Variants in DCAF4 observed in about 807,000 individuals in gnomAD.
DCAF4 encodes the protein DDB1- and CUL4-associated factor 4.
A neutral mutation model predicts 60.9 loss-of-function variants in DCAF4; 37 were observed. The ratio of observed to expected loss-of-function variants is 0.61; its 90% CI spans 0.47 to 0.80. The LOEUF (loss-of-function observed/expected upper bound fraction) is 0.80. Among genes scored for constraint, DCAF4 ranks in the 30% least tolerant of loss-of-function variants. DCAF4 has a pLI of 0.00. For synonymous variants in DCAF4, 243 were observed against 254.8 expected (o/e 0.95, Z 0.44); for missense variants, 577 against 650.0 (o/e 0.89, Z 1.22).
In DCAF4 at chr14:72,958,774, G is replaced by A; in HGVS notation, c.1457G>A (p.Gly486Glu). 1 of 1,594,996 alleles carries A rather than the reference G, an allele frequency of 6.3e-7. No homozygotes were observed. The highest frequency in any genetic ancestry group is 8.5e-7 in the Non-Finnish European group (1 of 1,171,100). ...GCGCCGGGGCTGCTCATGGCTGTCG[G>A]GCAGGACCTTTACTGTTACTCCTAC... is the stretch of plus-strand genomic sequence containing the variant. ...RGAPGLLMAVGQDLYCYSYS is the reference protein window; with the variant it reads ...RGAPGLLMAVEQDLYCYSYS The change falls in exon 14 of 14, where the codon GGG becomes GAG. Residue 486 changes from glycine to glutamate, a missense_variant. Gly to Glu is a moderately conservative substitution (Grantham distance 98). Transcript: ENST00000358377.
Position 72,943,244 on chromosome 14 carries a change from T to G in DCAF4, c.534+148T>G, listed in dbSNP as rs1594764734. ...TCTTCTTGGTTGTACGATTTTAACC[T>G]GCCTGCTGGCTACCCGCTGGGAGAC... On this transcript the variant is annotated intron_variant, in intron 6 of 13. Transcript: ENST00000358377. 4.2e-6 allele frequency: 3 copies of G among 708,758 alleles called. No individual in the cohort carries two copies. The East Asian group carries it at 8.4e-5, about 20-fold the overall frequency. The allele number at this position is 708,758 out of a possible 1,614,324, so 43.9% of individuals were successfully genotyped here. A position where few individuals can be genotyped will look rare whatever the true frequency, so the allele number is the denominator to read the frequency against.
intron 6 of DCAF4, 113 bp from the exon 7 acceptor site, chr14:72,945,771 C>G: frequency 7.2e-7 from 1 of 1,393,466 alleles, no homozygotes; most frequent in Non-Finnish European, 9.8e-7. Context: ...GAGGAACTCT[C>G]ACCTAGTGAA....
chr14:72,955,402 G>A lies in DCAF4; in HGVS notation c.1006-121G>A, dbSNP rs557227440. 58 of 1,174,712 alleles carry A rather than the reference G, an allele frequency of 4.9e-5. 1 individual carries two copies. The African/African-American group carries it at 6.9e-4, about 14-fold the overall frequency. 72.8% of individuals were successfully genotyped at this position (1,174,712 alleles called of 1,614,324 possible). A position where few individuals can be genotyped will look rare whatever the true frequency, so the allele number is the denominator to read the frequency against. On this transcript the variant is annotated intron_variant, in intron 11 of 13. Coordinates refer to ENST00000358377, the MANE Select transcript of DCAF4 (RefSeq NM_015604.4). ...TTGAGACCCAAACCCTGACCAGCAC[G>A]TGTCTAATCACACCGTCTGACCCAG...
At chr14:72,953,433 A>G (rs892268271) in intron 9 of DCAF4, among the ~76,000 whole-genome samples, 1 of 151,782 alleles carries the variant, frequency 6.6e-6, no homozygotes, top group African/African-American at 2.4e-5. Context: ...ATTTTTTCGA[A>G]GCACAGTGGC....
chr14:72,953,087 G>A (rs1294320738), intron 9 of DCAF4, among the ~76,000 whole-genome samples: 2 of 129,200 alleles, frequency 1.5e-5, no homozygotes, highest in Non-Finnish European at 3.1e-5. Flanking sequence ...CGCAACCTCC[G>A]CCTCTGGGGC....
rs1892342106 is a variant in DCAF4 at position 72,956,648 on chromosome 14, G to C, written c.1294+148G>C. Reference sequence around the variant, plus strand: ...GACAGCTGGGTGGGGAGACTAGGAGGGAAGTAGAATTAGATTATATTAGTA... The same window carrying C: ...GACAGCTGGGTGGGGAGACTAGGAGCGAAGTAGAATTAGATTATATTAGTA... On this transcript the variant is annotated intron_variant, in intron 13 of 13. Coordinates refer to ENST00000358377, the MANE Select transcript of DCAF4 (RefSeq NM_015604.4). The C allele has an allele frequency of 5.7e-6, 4 of 697,226 alleles. No individual in the cohort carries two copies. In the South Asian group the frequency reaches 6.5e-5, roughly 11 times the overall value. 43.2% of individuals were successfully genotyped at this position (697,226 alleles called of 1,614,324 possible).
In DCAF4 at chr14:72,955,558, A is replaced by G. The variant is rs1892160992; in HGVS notation, c.1041A>G (p.Glu347=). Residue 347 remains glutamate (E), a synonymous_variant, in exon 12 of 14, where the codon GAA becomes GAG. Coordinates refer to ENST00000358377, the MANE Select transcript of DCAF4 (RefSeq NM_015604.4). ...TGTTTAATGGCTGCCGCTCTGGGGA[A>G]ATCTTTGCCATTGATCTGCGTTGTG... is the stretch of plus-strand genomic sequence containing the variant. The part of the protein sequence containing the change: ...PLLFNGCRSG[E]IFAIDLRCGN... 6.2e-7 allele frequency: 1 copy of G among 1,614,136 alleles called. No homozygotes were observed. The highest frequency in any genetic ancestry group is 8.5e-7 in the Non-Finnish European group (1 of 1,180,024).
intron 8 of DCAF4, among the ~76,000 whole-genome samples, chr14:72,950,052 A>G (rs558301777): frequency 6.6e-6 from 1 of 152,314 alleles, no homozygotes; most frequent in East Asian, 1.9e-4. Context: ...GTTTGGCAGC[A>G]GTTTGATATT....
chr14:72,948,866 T>C (rs1340439179), intron 8 of DCAF4, among the ~76,000 whole-genome samples: 1 of 152,206 alleles, frequency 6.6e-6, no homozygotes, highest in East Asian at 1.9e-4. Context: ...CTTTCTACAC[T>C]TATTGGGCCC....
intron 8 of DCAF4, among the ~76,000 whole-genome samples, chr14:72,951,349 C>A (rs1891378726): frequency 6.6e-6 from 1 of 152,142 alleles, no homozygotes; most frequent in Non-Finnish European, 1.5e-5. Context: ...CGATGGCTCA[C>A]CCCTATAATC....
rs1220668731 is a variant in DCAF4 at position 72,941,792 on chromosome 14, G to C, written c.399G>C (p.Gln133His). Residue 133 changes from glutamine to histidine, a missense_variant, in exon 5 of 14, where the codon CAG becomes CAC. Coordinates refer to ENST00000358377, the MANE Select transcript of DCAF4 (RefSeq NM_015604.4). ...FNASSMLRKS[Q>H]LGFLNVTNYC... ...CATCTTCCATGCTACGAAAAAGCCA[G>C]CTGGGTTTTCTCAACGTCACCAATT... 1.2e-6 allele frequency: 2 copies of C among 1,614,126 alleles called. No individual in the cohort carries two copies. Among genetic ancestry groups the C allele is most frequent in the East Asian group, 2.2e-5 (1 of 44,888 alleles).
chr14:72,949,308 T>G (rs1033030365), intron 8 of DCAF4, among the ~76,000 whole-genome samples: 1 of 152,094 alleles, frequency 6.6e-6, no homozygotes, highest in Non-Finnish European at 1.5e-5. Flanking sequence ...AAAATTCTAT[T>G]AGCTGAGCAT....
chr14:72,938,768 A>T (rs566940766), intron 2 of DCAF4, among the ~76,000 whole-genome samples: 1 of 152,138 alleles, frequency 6.6e-6, no homozygotes. Flanking sequence ...TGGTATACCT[A>T]TGTATGACAC....
intron 8 of DCAF4, among the ~76,000 whole-genome samples, chr14:72,949,885 GT>G (rs1479536533): frequency 1.3e-5 from 2 of 152,238 alleles, no homozygotes; most frequent in African/African-American, 4.8e-5. Flanking sequence ...AGTATATGCA[GT>G]TGCAAGGAGA....
intron 9 of DCAF4, among the ~76,000 whole-genome samples, chr14:72,953,720 AAAAAAAAAAAAAATATAT>A (rs1891756413): frequency 2.0e-5 from 1 of 50,440 alleles, no homozygotes; most frequent in African/African-American, 9.2e-5. Flanking sequence ...AAAAAAAAAA[AAAAAAAAAAAAAATATAT>A]ATATATATAT....
chr14:72,946,561 A>G (rs1233966748), intron 7 of DCAF4, among the ~76,000 whole-genome samples: 2 of 152,070 alleles, frequency 1.3e-5, no homozygotes, highest in Non-Finnish European at 2.9e-5. Flanking sequence ...GGGGTCCAGG[A>G]GTTGATCTGG....
intron 3 of DCAF4, 99 bp downstream of exon 3, chr14:72,940,001 C>G: frequency 7.7e-7 from 1 of 1,304,078 alleles, no homozygotes; most frequent in Non-Finnish European, 1.1e-6. Flanking sequence ...AATTGAAACA[C>G]TCAGGGAAGG....
chr14:72,947,160 G>C lies in DCAF4; in HGVS notation c.697G>C (p.Ala233Pro). 6.2e-7 allele frequency: 1 copy of C among 1,614,088 alleles called. No individual in the cohort carries two copies. The highest frequency in any genetic ancestry group is 1.1e-5 in the South Asian group (1 of 91,086). ...TCACCAGGTGAATTCGGTGTGCTGG[G>C]CCTCGCTGAATCACTTGGATTCCCA... ...TNRKVNSVCWASLNHLDSHIL... is the reference protein window; with the variant it reads ...TNRKVNSVCWPSLNHLDSHIL... Residue 233 changes from alanine to proline, a missense_variant, in exon 8 of 14, where the codon GCC (alanine) becomes CCC (proline). By Grantham distance (27) the Ala-to-Pro change is conservative. Coordinates refer to ENST00000358377, the MANE Select transcript of DCAF4 (RefSeq NM_015604.4).
intron 1 of DCAF4, among the ~76,000 whole-genome samples, chr14:72,928,585 T>TTATA (rs57258334): frequency 0.034 from 527 of 15,696 alleles, 1 homozygote; most frequent in Non-Finnish European, 0.084. Flanking sequence ...TAAACATCCT[T>TTATA]TATATATATA....
Sources: allele counts gnomAD v4.1 joint callset (sites outside exome capture counted in the v4.1 genomes callset), GRCh38; gene constraint gnomAD v4.1.1; transcripts MANE v1.5; gene names NCBI Gene and HGNC (gene_info 2026-07-23, HGNC 2026-07-21).